SUGCT: variants seen among roughly 807,000 people sequenced by gnomAD.
The protein encoded by SUGCT is succinyl-CoA:glutarate CoA-transferase.
A neutral mutation model predicts 55.0 loss-of-function variants in SUGCT; 41 were observed. The observed-to-expected ratio is 0.74, with a 90% CI of 0.58 to 0.97. SUGCT has a LOEUF of 0.97. Among genes scored for constraint, SUGCT ranks in the 50% least tolerant of loss-of-function variants. SUGCT has a pLI of 0.00. For missense variants in SUGCT, 568 were observed against 547.8 expected (o/e 1.04, Z -0.37); for synonymous variants, 187 against 200.4 (o/e 0.93, Z 0.56).
At chr7:40,576,555 G>C (rs1269456098) in intron 12 of SUGCT, among the ~76,000 whole-genome samples, 1 of 152,210 alleles carries the variant, frequency 6.6e-6, no homozygotes, top group Non-Finnish European at 1.5e-5. Flanking sequence ...GTGAAAGTTA[G>C]TACAAGGGCA....
intron 12 of SUGCT, among the ~76,000 whole-genome samples, chr7:40,696,111 G>A (rs1483604615): frequency 6.6e-6 from 1 of 152,072 alleles, no homozygotes; most frequent in East Asian, 1.9e-4. Flanking sequence ...TGTATACTGT[G>A]TGTGCACACC....
At chr7:40,790,191 TG>T (rs1419350537) in intron 13 of SUGCT, among the ~76,000 whole-genome samples, 1 of 152,184 alleles carries the variant, frequency 6.6e-6, no homozygotes, top group Non-Finnish European at 1.5e-5. Flanking sequence ...AATTGAATCA[TG>T]GGGGCAGTTA....
chr7:40,532,129 T>G (rs943247624), intron 12 of SUGCT, among the ~76,000 whole-genome samples: 4 of 152,238 alleles, frequency 2.6e-5, no homozygotes, highest in African/African-American at 9.6e-5. Flanking sequence ...CTCATACAGA[T>G]GTTCATCTGG....
intron 7 of SUGCT, among the ~76,000 whole-genome samples, chr7:40,267,984 C>T (rs942304021): frequency 6.6e-6 from 1 of 152,100 alleles, no homozygotes; most frequent in African/African-American, 2.4e-5. Flanking sequence ...AAGAAAACTT[C>T]TAGAATTTTT....
In SUGCT at chr7:40,233,426, G is replaced by A. The variant is rs184098190; in HGVS notation, c.485-4209G>A. Reference sequence around the variant, plus strand: ...AGTAGAGACAGGGTTACACCATGTTGGACAGGCTTGTCTTGAGCTCCTGAC... The same window carrying A: ...AGTAGAGACAGGGTTACACCATGTTAGACAGGCTTGTCTTGAGCTCCTGAC... On this transcript the variant is annotated intron_variant, in intron 6 of 13. Coordinates refer to ENST00000335693, the MANE Select transcript of SUGCT (RefSeq NM_001193313.2). Among the ~76,000 whole-genome samples, 32 of 152,052 alleles carry A rather than the reference G, an allele frequency of 2.1e-4. No individual in the cohort carries two copies. The East Asian group carries it at 5.8e-3, about 28-fold the overall frequency.
chr7:40,959,974 C>A, the SUGCT span, among the ~76,000 whole-genome samples: 2 of 152,284 alleles, frequency 1.3e-5, no homozygotes, highest in South Asian at 4.2e-4. Flanking sequence ...ACACTCCACC[C>A]TGCTTCTGCT....
intron 13 of SUGCT, among the ~76,000 whole-genome samples, chr7:40,771,080 G>A (rs1562992936): frequency 4.6e-5 from 7 of 152,170 alleles, no homozygotes; most frequent in Admixed American, 2.6e-4. Flanking sequence ...AATATTTTAT[G>A]CTTTTAAAAG....
chr7:40,241,807 C>T (rs1048143703), intron 7 of SUGCT, among the ~76,000 whole-genome samples: 2 of 150,974 alleles, frequency 1.3e-5, no homozygotes, highest in Admixed American at 1.3e-4. Flanking sequence ...GTAGTCCCAG[C>T]TACTTGGGAG....
chr7:40,392,194 T>C (rs1785471952), intron 9 of SUGCT, among the ~76,000 whole-genome samples: 1 of 152,052 alleles, frequency 6.6e-6, no homozygotes, highest in African/African-American at 2.4e-5. Flanking sequence ...AATGACAAGT[T>C]AATGGGTGCA....
the SUGCT span, among the ~76,000 whole-genome samples, chr7:41,025,445 C>T: frequency 1.3e-5 from 2 of 151,958 alleles, no homozygotes; most frequent in African/African-American, 4.8e-5. Context: ...TCTCAGCTCA[C>T]TGCAACCACC....
At chr7:40,848,461 C>T (rs560427781) in intron 13 of SUGCT, among the ~76,000 whole-genome samples, 1 of 152,098 alleles carries the variant, frequency 6.6e-6, no homozygotes, top group Non-Finnish European at 1.5e-5. Flanking sequence ...GCTTAATAAA[C>T]CTCCATGATT....
intron 6 of SUGCT, among the ~76,000 whole-genome samples, chr7:40,199,536 A>G (rs1786474537): frequency 6.6e-6 from 1 of 152,116 alleles, no homozygotes; most frequent in African/African-American, 2.4e-5. Flanking sequence ...ATTTCTCTAT[A>G]CTTTTAGAAG....
chr7:40,535,889 G>A (rs1284668277), intron 12 of SUGCT, among the ~76,000 whole-genome samples: 2 of 152,056 alleles, frequency 1.3e-5, no homozygotes, highest in Non-Finnish European at 2.9e-5. Flanking sequence ...ATCTCATTGT[G>A]GTTTTGATTT....
chr7:40,787,074 G>A (rs1478038502), intron 13 of SUGCT, among the ~76,000 whole-genome samples: 1 of 152,182 alleles, frequency 6.6e-6, no homozygotes, highest in Non-Finnish European at 1.5e-5. Flanking sequence ...GTCCTGGGCA[G>A]ATATGAAAGA....
At chr7:40,805,574 G>A (rs1420249038) in intron 13 of SUGCT, among the ~76,000 whole-genome samples, 1 of 152,144 alleles carries the variant, frequency 6.6e-6, no homozygotes, top group Non-Finnish European at 1.5e-5. Flanking sequence ...GAAAAATTTT[G>A]TTCCTTGAGT....
the SUGCT span, among the ~76,000 whole-genome samples, chr7:40,906,034 CCATTTTTAA>C: frequency 3.3e-5 from 5 of 152,250 alleles, no homozygotes; most frequent in East Asian, 9.7e-4. Context: ...ATCATTTTAA[CCATTTTTAA>C]GTGTATAATT....
chr7:40,548,630 C>G (rs1795139182), intron 12 of SUGCT, among the ~76,000 whole-genome samples: 1 of 152,062 alleles, frequency 6.6e-6, no homozygotes, highest in Non-Finnish European at 1.5e-5. Context: ...ATTCCCCCAC[C>G]CCCAGAGTTG....
chr7:40,899,774 T>C, the SUGCT span, among the ~76,000 whole-genome samples: 1 of 152,130 alleles, frequency 6.6e-6, no homozygotes, highest in Non-Finnish European at 1.5e-5. Context: ...TTCAAACCTT[T>C]CAATGTTGAA....
chr7:40,824,878 C>T (rs571168664), intron 13 of SUGCT, among the ~76,000 whole-genome samples: 57 of 152,320 alleles, frequency 3.7e-4, no homozygotes, highest in African/African-American at 1.3e-3. Context: ...TAAGGCCCCA[C>T]CTCCCAATAC....
Sources: gnomAD v4.1 joint callset for allele counts (sites outside exome capture counted in the v4.1 genomes callset) on GRCh38, gnomAD v4.1.1 for gene constraint, MANE v1.5 for transcripts, NCBI Gene and HGNC (gene_info 2026-07-23, HGNC 2026-07-21) for gene names.